Variants in SYT14 observed in about 807,000 individuals in gnomAD.
SYT14 encodes the protein synaptotagmin 14.
A neutral mutation model predicts 74.2 loss-of-function variants in SYT14; 32 were observed. The observed-to-expected ratio is 0.43, with a 90% CI of 0.33 to 0.58. The LOEUF (loss-of-function observed/expected upper bound fraction) is 0.58. Among genes scored for constraint, SYT14 ranks in the 20% least tolerant of loss-of-function variants. SYT14 has a pLI of 0.05. For missense variants in SYT14, 791 were observed against 981.8 expected (o/e 0.81, Z 2.60); for synonymous variants, 298 against 337.7 (o/e 0.88, Z 1.29).
intron 5 of SYT14, among the ~76,000 whole-genome samples, chr1:210,053,064 G>A (rs2081032549): frequency 1.3e-5 from 2 of 152,018 alleles, no homozygotes; most frequent in Admixed American, 6.6e-5. Context: ...TCAAAGAAGG[G>A]CAAATTACAC....
intron 1 of SYT14, among the ~76,000 whole-genome samples, chr1:209,950,131 G>A (rs905977112): frequency 6.6e-6 from 1 of 151,998 alleles, no homozygotes; most frequent in Non-Finnish European, 1.5e-5. Context: ...ATTAAATACG[G>A]GGGAGAGTTT....
intron 5 of SYT14, among the ~76,000 whole-genome samples, chr1:210,055,730 A>G (rs1272554846): frequency 6.6e-6 from 1 of 151,942 alleles, no homozygotes; most frequent in Admixed American, 6.5e-5. Context: ...ACTTAAGCCC[A>G]GGAGCTCAAG....
At chr1:209,990,443 A>G (rs1385918511) in intron 2 of SYT14, among the ~76,000 whole-genome samples, 2 of 144,174 alleles carry the variant, frequency 1.4e-5, no homozygotes, top group Non-Finnish European at 3.1e-5. Context: ...TCACATCTTA[A>G]TATCTGTTGA....
chr1:210,036,266 G>C (rs1572192923), intron 5 of SYT14, among the ~76,000 whole-genome samples: 1 of 151,980 alleles, frequency 6.6e-6, no homozygotes, highest in Non-Finnish European at 1.5e-5. Flanking sequence ...GCTGATTTCT[G>C]CTCATTGATT....
At chr1:209,989,259 T>C (rs2102830060) in intron 2 of SYT14, among the ~76,000 whole-genome samples, 1 of 152,260 alleles carries the variant, frequency 6.6e-6, no homozygotes, top group East Asian at 1.9e-4. Flanking sequence ...ATAGACTATA[T>C]AAAAATCTGC....
chr1:210,081,562 G>C (rs1436279875), intron 5 of SYT14, among the ~76,000 whole-genome samples: 1 of 152,240 alleles, frequency 6.6e-6, no homozygotes, highest in African/African-American at 2.4e-5. Context: ...AGCACATGCT[G>C]TTGGGAAAAT....
chr1:210,162,946 C>G (rs1558234072), exon 10 of SYT14: 1 of 451,632 alleles, frequency 2.2e-6, no homozygotes, highest in East Asian at 7.0e-5. Flanking sequence ...TTCAAATAAA[C>G]AAGTAAGAGT....
chr1:210,077,706 C>T (rs1390194145), intron 5 of SYT14, among the ~76,000 whole-genome samples: 1 of 152,124 alleles, frequency 6.6e-6, no homozygotes, highest in African/African-American at 2.4e-5. Context: ...TTTCTATCTG[C>T]AATTTATGAA....
chr1:210,101,674 G>C (rs12079916), intron 7 of SYT14, among the ~76,000 whole-genome samples: 8,468 of 150,166 alleles, frequency 0.056, 1,031 homozygotes, highest in East Asian at 0.41. Context: ...AGAAAAAAGA[G>C]TTCAGGCAAT....
At chr1:210,102,505 T>G (rs1056986776) in intron 7 of SYT14, among the ~76,000 whole-genome samples, 3 of 152,150 alleles carry the variant, frequency 2.0e-5, no homozygotes, top group African/African-American at 7.2e-5. Context: ...AATGTATATA[T>G]TCTATATATA....
At chr1:210,071,151 G>A (rs937642590) in intron 5 of SYT14, among the ~76,000 whole-genome samples, 2 of 150,464 alleles carry the variant, frequency 1.3e-5, no homozygotes, top group Non-Finnish European at 3.0e-5. Flanking sequence ...CCCCTCTACA[G>A]ATGGAAAAAT....
exon 10 of SYT14, chr1:210,169,224 T>G (rs1228469069): frequency 2.0e-5 from 2 of 99,420 alleles, no homozygotes; most frequent in Non-Finnish European, 3.6e-5. Flanking sequence ...TTTTGGTGTT[T>G]TTTTTTTTTT....
intron 7 of SYT14, among the ~76,000 whole-genome samples, chr1:210,146,310 G>T (rs940952073): frequency 1.3e-5 from 2 of 152,048 alleles, no homozygotes; most frequent in African/African-American, 4.8e-5. Context: ...TCCAGCCTGG[G>T]CAACAGAGTG....
At chr1:210,010,193 A>C (rs1362515636) in intron 2 of SYT14, among the ~76,000 whole-genome samples, 2 of 152,056 alleles carry the variant, frequency 1.3e-5, no homozygotes, top group Non-Finnish European at 2.9e-5. Flanking sequence ...CAAATACAAA[A>C]ATTTTTGGAT....
chr1:210,064,688 T>C, intron 5 of SYT14, among the ~76,000 whole-genome samples: 1 of 152,084 alleles, frequency 6.6e-6, no homozygotes, highest in African/African-American at 2.4e-5. Context: ...GAGTTGCTTC[T>C]ACCTTTTGGC....
chr1:209,984,941 A>G (rs12760993), intron 2 of SYT14, among the ~76,000 whole-genome samples: 1 of 152,306 alleles, frequency 6.6e-6, no homozygotes, highest in Non-Finnish European at 1.5e-5. Context: ...GCACTAAGCC[A>G]TGAGAATTCT....
chr1:210,098,018 C>A (rs1431834822), intron 6 of SYT14, among the ~76,000 whole-genome samples: 1 of 151,828 alleles, frequency 6.6e-6, no homozygotes, highest in Non-Finnish European at 1.5e-5. Context: ...TACTAAAAAT[C>A]AAAAAATTTA....
intron 1 of SYT14, among the ~76,000 whole-genome samples, chr1:209,939,775 G>A (rs1277019555): frequency 1.3e-5 from 2 of 152,230 alleles, no homozygotes; most frequent in African/African-American, 4.8e-5. Flanking sequence ...GAAAGGTTTA[G>A]GCAGAGCATG....
intron 5 of SYT14, among the ~76,000 whole-genome samples, chr1:210,022,562 G>T (rs1031483013): frequency 1.3e-5 from 2 of 152,094 alleles, no homozygotes; most frequent in Admixed American, 6.5e-5. Flanking sequence ...TAACATTCTG[G>T]CCATATCTCT....
Sources: gnomAD v4.1 joint callset for allele counts (sites outside exome capture counted in the v4.1 genomes callset) on GRCh38, gnomAD v4.1.1 for gene constraint, MANE v1.5 for transcripts, NCBI Gene and HGNC (gene_info 2026-07-23, HGNC 2026-07-21) for gene names.